The following TMEM132C variants were observed in gnomAD, a reference collection of about 807,000 sequenced individuals.
TMEM132C encodes protein phosphatase 1, regulatory subunit 152.
In TMEM132C, 29 loss-of-function variants were observed where a neutral mutation model predicts 61.4. That is an observed-to-expected ratio of 0.47 (90% CI 0.35 to 0.64). The LOEUF is 0.64. TMEM132C is among the 30% of genes least tolerant of loss of function. The pLI is 0.00. For missense variants in TMEM132C, 1,408 were observed against 1,476.9 expected, an observed-to-expected ratio of 0.95 and a Z score of 0.76; for synonymous variants, 656 against 633.1, an observed-to-expected ratio of 1.04 and a Z score of -0.54.
At chr12:128,428,368 G>A (rs765975066) in intron 2 of TMEM132C, among the ~76,000 whole-genome samples, 20 of 152,184 alleles carry the variant, frequency 1.3e-4, no homozygotes, top group Middle Eastern at 3.4e-3. Flanking sequence ...TCTCCTGCTG[G>A]TTCTCTACAT....
intron 5 of TMEM132C, among the ~76,000 whole-genome samples, chr12:128,684,512 C>T (rs1316451654): frequency 6.6e-6 from 1 of 152,236 alleles, no homozygotes; most frequent in Non-Finnish European, 1.5e-5. Flanking sequence ...TCTCCCCTTC[C>T]TCCTCCCCAA....
chr12:128,381,783 A>G (rs1874408864), intron 1 of TMEM132C, among the ~76,000 whole-genome samples: 1 of 152,200 alleles, frequency 6.6e-6, no homozygotes, highest in Admixed American at 6.5e-5. Context: ...TGCCAGTGGC[A>G]AGACACAAAC....
At chr12:128,364,190 C>T (rs977840202) in intron 1 of TMEM132C, among the ~76,000 whole-genome samples, 1 of 151,866 alleles carries the variant, frequency 6.6e-6, no homozygotes, top group African/African-American at 2.4e-5. Context: ...AGAACAAGTT[C>T]GCAACATTAA....
chr12:128,402,624 C>T lies in TMEM132C; in HGVS notation c.86-12108C>T, dbSNP rs547258093. ...GCCTGAGCCAATCAGAACCCACCTG[C>T]AGACGGACCTCGGTTCCAAGCCACA... On this transcript the variant is annotated intron_variant, in intron 1 of 8. Transcript: ENST00000435159. Among the ~76,000 whole-genome samples the T allele has an allele frequency of 8.7e-5, 13 of 149,936 alleles. No individual in the cohort carries two copies. The East Asian group carries it at 1.6e-3, about 18-fold the overall frequency.
chr12:128,355,956 T>A (rs1348995493), intron 1 of TMEM132C, among the ~76,000 whole-genome samples: 1 of 152,254 alleles, frequency 6.6e-6, no homozygotes, highest in South Asian at 2.1e-4. Flanking sequence ...ATTTTACTAT[T>A]TATCTTTCCC....
intron 4 of TMEM132C, among the ~76,000 whole-genome samples, chr12:128,666,886 C>T (rs566911257): frequency 8.5e-5 from 13 of 152,270 alleles, no homozygotes; most frequent in South Asian, 2.1e-4. Flanking sequence ...CTGGCTAACA[C>T]GGTGAAACCC....
intron 3 of TMEM132C, 61 bp downstream of exon 3, chr12:128,544,164 T>C: frequency 2.1e-6 from 3 of 1,448,854 alleles, no homozygotes; most frequent in Non-Finnish European, 1.8e-6. Flanking sequence ...GGCCGGCTGG[T>C]GCGTAAGAGC....
chr12:128,274,626 A>T (rs1027848871), intron 1 of TMEM132C, among the ~76,000 whole-genome samples: 1 of 152,258 alleles, frequency 6.6e-6, no homozygotes, highest in Non-Finnish European at 1.5e-5. Flanking sequence ...TCCTGTAGCT[A>T]TAATTGTCTG....
chr12:128,332,446 T>TTCTCTTTCTC (rs372116270), intron 1 of TMEM132C, among the ~76,000 whole-genome samples: 1 of 152,238 alleles, frequency 6.6e-6, no homozygotes, highest in South Asian at 2.1e-4. Flanking sequence ...TGAAGATGTA[T>TTCTCTTTCTC]TCTCTTTCTC....
chr12:128,704,357 C>G (rs1262850809), intron 8 of TMEM132C, among the ~76,000 whole-genome samples: 4 of 152,048 alleles, frequency 2.6e-5, no homozygotes, highest in Admixed American at 2.6e-4. Flanking sequence ...TCACACTGGC[C>G]CTTTGCTTCC....
chr12:128,312,028 C>T (rs1453728435), intron 1 of TMEM132C, among the ~76,000 whole-genome samples: 1 of 152,156 alleles, frequency 6.6e-6, no homozygotes, highest in Non-Finnish European at 1.5e-5. Flanking sequence ...GGGGCTGACT[C>T]GGTTTGCAAA....
In TMEM132C at chr12:128,706,380, G is replaced by A. The variant is rs1954841240; in HGVS notation, c.*85G>A. 3 of 1,429,880 alleles carry A rather than the reference G, an allele frequency of 2.1e-6. No homozygotes were observed. The highest frequency in any genetic ancestry group is 1.5e-5 in the South Asian group (1 of 66,420). 88.6% of individuals were successfully genotyped at this position (1,429,880 alleles called of 1,614,324 possible). A position where few individuals can be genotyped will look rare whatever the true frequency, so the allele number is the denominator to read the frequency against. Reference sequence around the variant, plus strand: ...TGGGGCAGAAGGCGTTGTCAGTGGGGTTAAGAAGGGACGGTCCCAGGGTCC... The same window carrying A: ...TGGGGCAGAAGGCGTTGTCAGTGGGATTAAGAAGGGACGGTCCCAGGGTCC... On this transcript the variant is annotated 3_prime_UTR_variant, in exon 9 of 9. Coordinates refer to ENST00000435159, the MANE Select transcript of TMEM132C (RefSeq NM_001136103.3).
intron 3 of TMEM132C, among the ~76,000 whole-genome samples, chr12:128,552,470 C>T (rs1306203617): frequency 6.6e-6 from 1 of 152,098 alleles, no homozygotes; most frequent in Non-Finnish European, 1.5e-5. Context: ...TAAAGACACT[C>T]ACGGGAAGTA....
chr12:128,538,344 G>A (rs1046854428), intron 2 of TMEM132C, among the ~76,000 whole-genome samples: 4 of 152,080 alleles, frequency 2.6e-5, no homozygotes, highest in African/African-American at 9.7e-5. Context: ...GGCTGGTCTG[G>A]AACTCCTGAC....
At chr12:128,583,183 A>G (rs1174256857) in intron 3 of TMEM132C, among the ~76,000 whole-genome samples, 1 of 152,212 alleles carries the variant, frequency 6.6e-6, no homozygotes. Context: ...CTTTGATCTT[A>G]TACTCCTAAT....
At chr12:128,433,772 C>T (rs928482532) in intron 2 of TMEM132C, among the ~76,000 whole-genome samples, 1 of 101,914 alleles carries the variant, frequency 9.8e-6, no homozygotes, top group Non-Finnish European at 2.1e-5. Context: ...ACACAGGGAG[C>T]AAGCAAGATC....
intron 4 of TMEM132C, among the ~76,000 whole-genome samples, chr12:128,659,771 G>A (rs1002650602): frequency 1.3e-5 from 2 of 149,810 alleles, no homozygotes; most frequent in African/African-American, 5.0e-5. Context: ...GTCAGAATGG[G>A]TCTGGAGAGA....
chr12:128,295,181 A>G (rs1348461002), intron 1 of TMEM132C, among the ~76,000 whole-genome samples: 5 of 152,126 alleles, frequency 3.3e-5, no homozygotes, highest in African/African-American at 4.8e-5. Flanking sequence ...ATAAATTTAT[A>G]TTATGTTTGA....
chr12:128,514,294 G>C (rs563056164), intron 2 of TMEM132C, among the ~76,000 whole-genome samples: 1 of 152,148 alleles, frequency 6.6e-6, no homozygotes, highest in Non-Finnish European at 1.5e-5. Context: ...CAAGCACTCA[G>C]AGAGCTCACA....
Sources: allele counts gnomAD v4.1 joint callset (sites outside exome capture counted in the v4.1 genomes callset), GRCh38; gene constraint gnomAD v4.1.1; transcripts MANE v1.5; gene names NCBI Gene and HGNC (gene_info 2026-07-23, HGNC 2026-07-21).